Variants in MORN1 observed in about 807,000 individuals in gnomAD.
The protein encoded by MORN1 is MORN repeat containing 1, also known as MORN repeat-containing protein 1.
Under a neutral mutation model 61.9 loss-of-function variants are expected in MORN1, and 67 were observed. The observed-to-expected ratio is 1.08, with a 90% CI of 0.89 to 1.33. MORN1 has a LOEUF of 1.33. Ranked by LOEUF, MORN1 falls within the 40% of genes most tolerant of loss-of-function variation. The pLI, the probability that MORN1 is intolerant of heterozygous loss-of-function variation, is 0.00. For synonymous variants in MORN1, 301 were observed against 292.0 expected, an observed-to-expected ratio of 1.03 and a Z score of -0.31; for missense variants, 752 against 691.2, an observed-to-expected ratio of 1.09 and a Z score of -0.99.
rs902700201 is a variant in MORN1, at chr1:2,337,839, C to T, written c.1037-989G>A. ...TCTGAGAGGGAGGCAGGGGCTGGGG[C>T]GGTGGCTTTAGGGCCACAGATGAGT... On this transcript the variant is annotated intron_variant, in intron 10 of 13. Transcript: ENST00000378531. This position sits in a 1 kb window ranked among gnomAD's most constrained non-coding sequence, Gnocchi z 5.7. 4.6e-5 allele frequency among the ~76,000 whole-genome samples: 7 copies of T among 151,994 alleles called. No homozygotes were observed. Among genetic ancestry groups the T allele is most frequent in the Non-Finnish European group, 2.9e-5 (2 of 67,998 alleles).
At position 2,372,598 on chromosome 1, in the gene MORN1, G is replaced by A. The variant is rs776053125; in HGVS notation, c.635-7C>T. 3 of 1,610,450 alleles carry A rather than the reference G, an allele frequency of 1.9e-6. No homozygotes were observed. Among genetic ancestry groups the A allele is most frequent in the Non-Finnish European group, 2.5e-6 (3 of 1,177,728 alleles). The stretch of plus-strand genomic sequence containing the variant: ...ACGATCCTCGTAGCTTGTTCTGGGA[G>A]AGGACAGAGTGTGGCTTTAGCGGTG... On this transcript the variant is annotated splice_region_variant and splice_polypyrimidine_tract_variant and intron_variant, in intron 7 of 13. Coordinates refer to ENST00000378531, the MANE Select transcript of MORN1 (RefSeq NM_024848.3). This position sits in a 1 kb window ranked among gnomAD's most constrained non-coding sequence, Gnocchi z 5.4.
intron 6 of MORN1, 128 bp from the exon 7 acceptor site, chr1:2,374,685 G>A (rs1642196161): frequency 7.3e-6 from 5 of 689,634 alleles, no homozygotes; most frequent in Non-Finnish European, 7.4e-6. Flanking sequence ...AAACCACATC[G>A]TCTCGAGGGT....
At chr1:2,387,012 G>A (rs1427013408) in intron 4 of MORN1, 7 of 199,374 alleles carry the variant, frequency 3.5e-5, no homozygotes, top group Non-Finnish European at 7.4e-5. Flanking sequence ...GGACCTCAGG[G>A]ACCCTCAGGC....
intron 12 of MORN1, chr1:2,332,824 G>C (rs1457284075): frequency 2.3e-6 from 1 of 431,122 alleles, no homozygotes; most frequent in African/African-American, 2.0e-5. Flanking sequence ...GGAGAAGCCG[G>C]AGCCAGGACC....
chr1:2,368,610 G>A (rs149454731), intron 8 of MORN1, among the ~76,000 whole-genome samples: 175 of 152,198 alleles, frequency 1.1e-3, no homozygotes, highest in African/African-American at 4.1e-3. Context: ...CCCCACTTCT[G>A]GAGTCAAGTT....
intron 10 of MORN1, among the ~76,000 whole-genome samples, chr1:2,340,337 G>A (rs972507027): frequency 5.9e-5 from 9 of 152,084 alleles, no homozygotes; most frequent in South Asian, 2.1e-4. Context: ...TGTGTCCTGC[G>A]CATCCCACTC....
intron 6 of MORN1, chr1:2,378,916 GTCCC>G (rs1642308381): frequency 6.6e-6 from 3 of 457,042 alleles, no homozygotes; most frequent in Non-Finnish European, 1.3e-5. Flanking sequence ...CGTGGCTCCT[GTCCC>G]TGTGGAAGAG....
At chr1:2,323,061 G>C (rs145671968) in intron 13 of MORN1, 2 of 985,408 alleles carry the variant, frequency 2.0e-6, no homozygotes, top group Non-Finnish European at 2.4e-6. Context: ...AACCCTGGCC[G>C]AGCGGCTGCG....
At chr1:2,331,791 C>T (rs941042566) in intron 12 of MORN1, among the ~76,000 whole-genome samples, 18 of 152,124 alleles carry the variant, frequency 1.2e-4, no homozygotes, top group East Asian at 1.2e-3. Context: ...TAACCACTGC[C>T]GCTCCTCTCC....
chr1:2,389,239 G>A (rs1167373507), intron 2 of MORN1, among the ~76,000 whole-genome samples: 1 of 152,100 alleles, frequency 6.6e-6, no homozygotes, highest in Non-Finnish European at 1.5e-5. Flanking sequence ...GGGGTTGGTG[G>A]GGGTACAGGT....
chr1:2,345,829 C>CACACACACA (rs1641501048), intron 10 of MORN1, among the ~76,000 whole-genome samples: 8 of 149,106 alleles, frequency 5.4e-5, no homozygotes, highest in African/African-American at 2.0e-4. Context: ...ATGTATGCGG[C>CACACACACA]CACACACACA....
At chr1:2,384,195 C>T (rs1187086217) in intron 6 of MORN1, among the ~76,000 whole-genome samples, 1 of 152,186 alleles carries the variant, frequency 6.6e-6, no homozygotes, top group Non-Finnish European at 1.5e-5. Context: ...TGTCCTGAAC[C>T]AGGCCCCACT....
intron 12 of MORN1, chr1:2,326,350 CCAGCCTAAGAGAA>C (rs2100226666): frequency 6.6e-6 from 1 of 152,112 alleles, no homozygotes; most frequent in Admixed American, 6.5e-5. Context: ...TGCCAGGCTG[CCAGCCTAAGAGAA>C]AGGAGGCAGG....
intron 8 of MORN1, among the ~76,000 whole-genome samples, chr1:2,370,791 A>C (rs1336657891): frequency 6.6e-6 from 1 of 151,436 alleles, no homozygotes; most frequent in African/African-American, 2.4e-5. Flanking sequence ...GACTCTCCCA[A>C]TTTCAGCCTT....
In MORN1 at chr1:2,334,970, C is replaced by A. The variant is rs1433533331; in HGVS notation, c.1250+1499G>T. Among the ~76,000 whole-genome samples the A allele has an allele frequency of 6.6e-6, 1 of 152,240 alleles. No individual in the cohort carries two copies. Among genetic ancestry groups the A allele is most frequent in the Non-Finnish European group, 1.5e-5 (1 of 68,048 alleles). On this transcript the variant is annotated intron_variant, in intron 12 of 13. Transcript: ENST00000378531. The surrounding 1 kb of genome is among the most constrained non-coding windows in gnomAD (Gnocchi z 5.4). Reference sequence around the variant, plus strand: ...AGTGACAGAATGTCTCGGCTTTTGGCTCTCGCAGACGCTCCTGAGGCCGAG... The same window carrying A: ...AGTGACAGAATGTCTCGGCTTTTGGATCTCGCAGACGCTCCTGAGGCCGAG...
In MORN1 at chr1:2,329,112, T is replaced by C. The variant is rs546191746; in HGVS notation, c.1251-4969A>G. On this transcript the variant is annotated intron_variant, in intron 12 of 13. Coordinates refer to ENST00000378531, the MANE Select transcript of MORN1 (RefSeq NM_024848.3). The stretch of plus-strand genomic sequence containing the variant: ...CTTGAAAAGCCTGAGGGGTGTTCCC[T>C]GTTTGGGGGAGCCTGTTCACCTGTG... Among the ~76,000 whole-genome samples the C allele has an allele frequency of 3.3e-3, 495 of 152,210 alleles. 3 individuals are homozygous for C. Among genetic ancestry groups the C allele is most frequent in the Non-Finnish European group, 5.6e-3 (382 of 67,996 alleles).
intron 10 of MORN1, among the ~76,000 whole-genome samples, chr1:2,342,657 A>T (rs116190040): frequency 0.018 from 2,783 of 151,332 alleles, 87 homozygotes; most frequent in African/African-American, 0.064. Context: ...CACCCTTCTC[A>T]CCTCCCACAC....
chr1:2,331,999 C>A (rs2643896), intron 12 of MORN1: 3 of 119,912 alleles, frequency 2.5e-5, no homozygotes, highest in African/African-American at 3.2e-5. Context: ...CCTCTCCCGC[C>A]GCTGCGCCTC....
rs547668843 is a variant in MORN1 at position 2,376,764 on chromosome 1, TGCA to T, written c.538-2210_538-2208del. On this transcript the variant is annotated intron_variant, in intron 6 of 13. Transcript: ENST00000378531. ...GAGGGCTGAGCCAGGCAAGCTTTCA[TGCA>T]GCACTTGGTCAGTCCAAGCACATTT... 8.5e-5 allele frequency: 13 copies of T among 152,346 alleles called. No individual in the cohort carries two copies. In the East Asian group the frequency reaches 2.5e-3, roughly 29 times the overall value. 9.4% of individuals were successfully genotyped at this position (152,346 alleles called of 1,614,324 possible). A position where few individuals can be genotyped will look rare whatever the true frequency, so the allele number is the denominator to read the frequency against.
Sources: allele counts gnomAD v4.1 joint callset (sites outside exome capture counted in the v4.1 genomes callset), GRCh38; gene constraint gnomAD v4.1.1; non-coding constraint Gnocchi (gnomAD v3.1); transcripts MANE v1.5; gene names NCBI Gene and HGNC (gene_info 2026-07-23, HGNC 2026-07-21).